Variants in INPP4B observed in about 807,000 individuals in gnomAD.
The protein encoded by INPP4B is inositol polyphosphate-4-phosphatase type II B.
Under a neutral mutation model 122.5 loss-of-function variants are expected in INPP4B, and 55 were observed. That is an observed-to-expected ratio of 0.45 (90% CI 0.36 to 0.56). The LOEUF (loss-of-function observed/expected upper bound fraction) is 0.56, where lower values mean the gene tolerates loss of function less well. Ranked by LOEUF, INPP4B falls within the 20% of genes least tolerant of loss-of-function variation. The pLI is 0.00. For missense variants in INPP4B, 1,000 were observed against 1,097.7 expected (o/e 0.91, Z 1.26); for synonymous variants, 403 against 388.7 (o/e 1.04, Z -0.43).
chr4:142,568,330 G>C (rs1331978723), intron 2 of INPP4B, among the ~76,000 whole-genome samples: 1 of 151,928 alleles, frequency 6.6e-6, no homozygotes, highest in African/African-American at 2.4e-5. Context: ...AACTTACCAA[G>C]GTCCAAAGTC....
At chr4:142,081,739 A>G (rs919533865) in intron 25 of INPP4B, among the ~76,000 whole-genome samples, 6 of 152,068 alleles carry the variant, frequency 3.9e-5, no homozygotes, top group South Asian at 4.1e-4. Context: ...AATAAAATAT[A>G]TAATATCATA....
Position 142,736,894 on chromosome 4 carries a change from C to T in INPP4B, c.-253-10993G>A, listed in dbSNP as rs922936971. Among the ~76,000 whole-genome samples, 9 of 152,246 alleles carry T rather than the reference C, an allele frequency of 5.9e-5. No homozygotes were observed. In the East Asian group the frequency reaches 7.7e-4, roughly 13 times the overall value. On this transcript the variant is annotated intron_variant, in intron 1 of 25. Coordinates refer to ENST00000262992, the MANE Select transcript of INPP4B (RefSeq NM_001101669.3). ...CTTGTGCCAGTTTTCAAAGGGAATG[C>T]TTCCAGTTTTTGCCCATTCAGTATG...
intron 2 of INPP4B, among the ~76,000 whole-genome samples, chr4:142,530,171 C>T (rs1278469484): frequency 2.0e-5 from 3 of 152,022 alleles, no homozygotes; most frequent in Admixed American, 6.6e-5. Context: ...GCTGCTGAAG[C>T]AAATTGTCAG....
chr4:142,586,256 G>A (rs1049158592), intron 2 of INPP4B, among the ~76,000 whole-genome samples: 1 of 152,002 alleles, frequency 6.6e-6, no homozygotes, highest in African/African-American at 2.4e-5. Context: ...AGTTTGTACT[G>A]AGCCAAGATC....
At chr4:142,123,244 C>A (rs752190943) in intron 20 of INPP4B, 48 bp downstream of exon 20, 3 of 1,433,336 alleles carry the variant, frequency 2.1e-6, no homozygotes, top group Admixed American at 4.6e-5. Context: ...GATTAAATGT[C>A]CTTCTGAATA....
intron 5 of INPP4B, among the ~76,000 whole-genome samples, chr4:142,409,627 A>C (rs1804189871): frequency 6.6e-6 from 1 of 152,230 alleles, no homozygotes; most frequent in Non-Finnish European, 1.5e-5. Flanking sequence ...CAAACTGGAA[A>C]GCTTACACTA....
intron 18 of INPP4B, among the ~76,000 whole-genome samples, chr4:142,139,500 T>C (rs1443684583): frequency 6.6e-6 from 1 of 151,978 alleles, no homozygotes. Context: ...AGAGATGGGG[T>C]TTCCCCATGT....
chr4:142,746,738 C>G (rs1264631936), intron 1 of INPP4B, among the ~76,000 whole-genome samples: 4 of 152,100 alleles, frequency 2.6e-5, no homozygotes, highest in Admixed American at 2.0e-4. Flanking sequence ...ACCATCTGCT[C>G]TTTGACAAAC....
chr4:142,277,682 T>TATAC, intron 9 of INPP4B, among the ~76,000 whole-genome samples: 1 of 147,180 alleles, frequency 6.8e-6, no homozygotes, highest in East Asian at 2.0e-4. Flanking sequence ...CACACACACA[T>TATAC]ACACACACAC....
At chr4:142,399,488 C>A (rs543924400) in intron 7 of INPP4B, among the ~76,000 whole-genome samples, 4 of 152,190 alleles carry the variant, frequency 2.6e-5, no homozygotes, top group African/African-American at 9.6e-5. Context: ...CTGTGCCCAG[C>A]CAATTTCCTC....
intron 1 of INPP4B, among the ~76,000 whole-genome samples, chr4:142,744,054 T>A (rs959592863): frequency 5.3e-5 from 8 of 151,970 alleles, no homozygotes; most frequent in African/African-American, 1.9e-4. Flanking sequence ...AAAGAAAATG[T>A]GTTCATAGAA....
At chr4:142,394,299 C>A (rs561643351) in intron 7 of INPP4B, among the ~76,000 whole-genome samples, 1 of 152,162 alleles carries the variant, frequency 6.6e-6, no homozygotes, top group African/African-American at 2.4e-5. Context: ...GCTCCTGTCA[C>A]CACGCCCGGC....
chr4:142,806,792 A>C (rs1214848102), intron 1 of INPP4B, among the ~76,000 whole-genome samples: 5 of 132,328 alleles, frequency 3.8e-5, no homozygotes, highest in Admixed American at 1.5e-4. Context: ...AGAAGGAAAG[A>C]AAGAAAGAAA....
intron 2 of INPP4B, among the ~76,000 whole-genome samples, chr4:142,686,896 T>C (rs1759423436): frequency 6.6e-6 from 1 of 151,904 alleles, no homozygotes; most frequent in South Asian, 2.1e-4. Flanking sequence ...AAACAGAAAA[T>C]GTTCATTTCA....
chr4:142,050,861 C>T (rs769491402), intron 25 of INPP4B, among the ~76,000 whole-genome samples: 1 of 152,020 alleles, frequency 6.6e-6, no homozygotes, highest in Non-Finnish European at 1.5e-5. Context: ...AAGTCTCTTA[C>T]AGCCAGCCCT....
chr4:142,675,035 GA>G (rs1481146721), intron 2 of INPP4B, among the ~76,000 whole-genome samples: 2 of 152,012 alleles, frequency 1.3e-5, no homozygotes, highest in African/African-American at 4.8e-5. Context: ...ATAGAGACAT[GA>G]AAAACCCTTC....
intron 2 of INPP4B, among the ~76,000 whole-genome samples, chr4:142,611,637 CTTTTTTTTTTT>C (rs34482115): frequency 1.5e-5 from 1 of 65,236 alleles, no homozygotes; most frequent in Non-Finnish European, 2.6e-5. Context: ...TTTCTTTTTT[CTTTTTTTTTTT>C]TTTTTTTTTT....
At chr4:142,756,428 C>T (rs934399456) in intron 1 of INPP4B, among the ~76,000 whole-genome samples, 1 of 152,042 alleles carries the variant, frequency 6.6e-6, no homozygotes, top group African/African-American at 2.4e-5. Context: ...CTAATACTTG[C>T]ACCCAAAATC....
chr4:142,652,701 C>G (rs191321637), intron 2 of INPP4B, among the ~76,000 whole-genome samples: 6 of 151,944 alleles, frequency 3.9e-5, no homozygotes, highest in Non-Finnish European at 8.8e-5. Flanking sequence ...CACTGCTCAA[C>G]GAAATAAAAG....
Sources: allele counts gnomAD v4.1 joint callset (sites outside exome capture counted in the v4.1 genomes callset), GRCh38; gene constraint gnomAD v4.1.1; transcripts MANE v1.5; gene names NCBI Gene and HGNC (gene_info 2026-07-23, HGNC 2026-07-21).